Variants in ZFP14 observed in about 807,000 individuals in gnomAD.
ZFP14 encodes zinc finger protein 14 homolog.
ZFP14 carries 22 observed loss-of-function variants against 54.5 expected under a neutral mutation model. That is an observed-to-expected ratio of 0.40 (90% CI 0.29 to 0.58). The LOEUF (loss-of-function observed/expected upper bound fraction) is 0.58. ZFP14 is among the 20% of genes least tolerant of loss of function. ZFP14 has a pLI of 0.39. For synonymous variants in ZFP14, 159 were observed against 204.0 expected (o/e 0.78, Z 1.88); for missense variants, 470 against 637.8 (o/e 0.74, Z 2.83).
intron 4 of ZFP14, among the ~76,000 whole-genome samples, chr19:36,343,195 T>C (rs1454292051): frequency 1.3e-5 from 2 of 152,236 alleles, no homozygotes; most frequent in African/African-American, 4.8e-5. Flanking sequence ...TTTGTTCTTG[T>C]TTATATTCTT....
chr19:36,362,310 G>A, intron 2 of ZFP14, 72 bp from the exon 3 acceptor site: 1 of 1,508,016 alleles, frequency 6.6e-7, no homozygotes, highest in Non-Finnish European at 8.9e-7. Flanking sequence ...AGGGGAGATT[G>A]AGGATTGCAT....
chr19:36,337,706 A>C lies in ZFP14; in HGVS notation c.*2518T>G, dbSNP rs2031230939. 1 of 150,412 alleles carries C rather than the reference A, an allele frequency of 6.6e-6. No homozygotes were observed. The allele number at this position is 150,412 out of a possible 1,614,324, so 9.3% of individuals were successfully genotyped here. A position where few individuals can be genotyped will look rare whatever the true frequency, so the allele number is the denominator to read the frequency against. On this transcript the variant is annotated 3_prime_UTR_variant, in exon 5 of 5. Transcript: ENST00000270001. ...GCTTTCAGTTCATTATTCCAGCAAT[A>C]AGGCTTTGTAGATGGTGGTGTGGAC...
At chr19:36,346,485 C>G (rs998025003) in intron 4 of ZFP14, among the ~76,000 whole-genome samples, 1 of 151,716 alleles carries the variant, frequency 6.6e-6, no homozygotes. Context: ...GAGACAGAGT[C>G]TTGCTCTGTC....
chr19:36,361,911 G>T (rs985609768), intron 3 of ZFP14, among the ~76,000 whole-genome samples: 5 of 152,156 alleles, frequency 3.3e-5, no homozygotes, highest in Admixed American at 6.6e-5. Context: ...GGATACTAAG[G>T]AAATCAGGAA....
chr19:36,378,148 T>G (rs1158395501), intron 1 of ZFP14: 1 of 152,208 alleles, frequency 6.6e-6, no homozygotes, highest in African/African-American at 2.4e-5. Flanking sequence ...AGCTGAAAGA[T>G]TCTAAGGAGG....
At chr19:36,356,343 G>A (rs1322315044) in intron 4 of ZFP14, among the ~76,000 whole-genome samples, 1 of 151,486 alleles carries the variant, frequency 6.6e-6, no homozygotes, top group Non-Finnish European at 1.5e-5. Context: ...TAGGAGAATC[G>A]CATAAACCTG....
At chr19:36,364,960 C>T (rs983616800) in intron 2 of ZFP14, among the ~76,000 whole-genome samples, 3 of 138,230 alleles carry the variant, frequency 2.2e-5, no homozygotes, top group African/African-American at 8.0e-5. Context: ...CTTCCTCCTT[C>T]TTTCTTTCTT....
At chr19:36,363,979 G>C (rs1334892470) in intron 2 of ZFP14, among the ~76,000 whole-genome samples, 1 of 150,146 alleles carries the variant, frequency 6.7e-6, no homozygotes, top group Non-Finnish European at 1.5e-5. Context: ...GACAGAGTAA[G>C]ACTCGGTCTC....
At chr19:36,369,623 C>G (rs943104190) in intron 1 of ZFP14, among the ~76,000 whole-genome samples, 1 of 151,990 alleles carries the variant, frequency 6.6e-6, no homozygotes, top group Non-Finnish European at 1.5e-5. Context: ...GTTGCCCAGG[C>G]TGGTCTCGAA....
At chr19:36,346,336 C>CA (rs1180151730) in intron 4 of ZFP14, among the ~76,000 whole-genome samples, 1 of 151,660 alleles carries the variant, frequency 6.6e-6, no homozygotes, top group East Asian at 1.9e-4. Context: ...AACAAAAAAA[C>CA]AAAAAACAAA....
intron 1 of ZFP14, among the ~76,000 whole-genome samples, chr19:36,377,319 G>A (rs1363814794): frequency 1.3e-5 from 2 of 152,148 alleles, no homozygotes; most frequent in Non-Finnish European, 1.5e-5. Context: ...GGAGGCTGAG[G>A]TGGAAGAATT....
At chr19:36,352,668 G>A (rs534299213) in intron 4 of ZFP14, among the ~76,000 whole-genome samples, 11 of 142,246 alleles carry the variant, frequency 7.7e-5, no homozygotes, top group Admixed American at 1.4e-4. Context: ...TGGGCTGGGC[G>A]CGGTGGCTCA....
chr19:36,371,086 C>A (rs2031870772), intron 1 of ZFP14, among the ~76,000 whole-genome samples: 1 of 151,984 alleles, frequency 6.6e-6, no homozygotes, highest in African/African-American at 2.4e-5. Flanking sequence ...CACGGTGAAA[C>A]CCCATCTCTA....
Position 36,360,484 on chromosome 19 carries a change from C to T in ZFP14, c.186G>A (p.Arg62=). The T allele has an allele frequency of 2.5e-6, 4 of 1,613,830 alleles. No individual in the cohort carries two copies. In the South Asian group the frequency reaches 4.4e-5, roughly 18 times the overall value. The change falls in exon 4 of 5, where the codon AGG becomes AGA. Residue 62 remains arginine (R), a synonymous_variant. Coordinates refer to ENST00000270001, the MANE Select transcript of ZFP14 (RefSeq NM_020917.3). ...CCCTCACAACCATCCCAGGTTCCTT[C>T]CTTTCTTCATCCAATAAGGTAATCA... ...PDVITLLDEE[R]KEPGMVVREG...
intron 1 of ZFP14, among the ~76,000 whole-genome samples, chr19:36,373,150 G>T (rs1194886414): frequency 6.6e-6 from 1 of 151,778 alleles, no homozygotes; most frequent in East Asian, 1.9e-4. Context: ...GGTAGCACAC[G>T]CCTGTAATCC....
intron 4 of ZFP14, among the ~76,000 whole-genome samples, chr19:36,351,999 T>C (rs1311427519): frequency 7.1e-5 from 10 of 141,640 alleles, no homozygotes; most frequent in Non-Finnish European, 1.6e-4. Flanking sequence ...CTGGCTAACA[T>C]GGTGAAACCC....
chr19:36,374,261 C>A (rs1242645447), intron 1 of ZFP14, among the ~76,000 whole-genome samples: 1 of 152,054 alleles, frequency 6.6e-6, no homozygotes, highest in Non-Finnish European at 1.5e-5. Flanking sequence ...GAGGCCAAGA[C>A]AGGCGGATCA....
rs578045772 is a variant in ZFP14, at chr19:36,363,480, C to T, written c.10-1242G>A. On this transcript the variant is annotated intron_variant, in intron 2 of 4. Transcript: ENST00000270001. The stretch of plus-strand genomic sequence containing the variant: ...AAAGTGCTGGGATTACAGGCGTGAG[C>T]CACCGCGCCCGGCCCCCTGTATCAA... Among the ~76,000 whole-genome samples the T allele has an allele frequency of 2.0e-5, 3 of 151,828 alleles. No individual in the cohort carries two copies. The East Asian group carries it at 5.9e-4, about 30-fold the overall frequency.
chr19:36,368,444 G>A (rs905414065), intron 1 of ZFP14, among the ~76,000 whole-genome samples: 1 of 152,094 alleles, frequency 6.6e-6, no homozygotes, highest in African/African-American at 2.4e-5. Flanking sequence ...CTCCAGCCTG[G>A]GCAACAAGAG....
Sources: gnomAD v4.1 joint callset for allele counts (sites outside exome capture counted in the v4.1 genomes callset) on GRCh38, gnomAD v4.1.1 for gene constraint, MANE v1.5 for transcripts, NCBI Gene and HGNC (gene_info 2026-07-23, HGNC 2026-07-21) for gene names.